The following MACROD2 variants were observed in gnomAD, a reference collection of about 807,000 sequenced individuals.
MACROD2 encodes the protein mono-ADP ribosylhydrolase 2.
In MACROD2, 36 loss-of-function variants were observed where a neutral mutation model predicts 70.4. That is an observed-to-expected ratio of 0.51 (90% confidence interval 0.39 to 0.68). The LOEUF is 0.68. MACROD2 is among the 30% of genes least tolerant of loss of function. The pLI, the probability that MACROD2 is intolerant of heterozygous loss-of-function variation, is 0.00. For missense variants in MACROD2, 496 were observed against 538.4 expected, an observed-to-expected ratio of 0.92 and a Z score of 0.78; for synonymous variants, 172 against 178.8, an observed-to-expected ratio of 0.96 and a Z score of 0.30.
chr20:15,985,243 ACAC>A (rs2066462344), intron 13 of MACROD2, among the ~76,000 whole-genome samples: 1 of 152,122 alleles, frequency 6.6e-6, no homozygotes, highest in African/African-American at 2.4e-5. Context: ...TACCATGCTC[ACAC>A]CACACACACT....
At chr20:14,619,309 G>C (rs1317428756) in intron 4 of MACROD2, among the ~76,000 whole-genome samples, 1 of 149,282 alleles carries the variant, frequency 6.7e-6, no homozygotes, top group Non-Finnish European at 1.5e-5. Flanking sequence ...GGAGACTTTG[G>C]TGTCTTTCTT....
intron 6 of MACROD2, among the ~76,000 whole-genome samples, chr20:15,298,531 C>A (rs1467777631): frequency 6.6e-6 from 1 of 152,168 alleles, no homozygotes; most frequent in Non-Finnish European, 1.5e-5. Context: ...CACCAAACAA[C>A]CTCCAAGGGT....
chr20:15,287,029 A>G (rs966922464), intron 6 of MACROD2, among the ~76,000 whole-genome samples: 1 of 152,214 alleles, frequency 6.6e-6, no homozygotes, highest in African/African-American at 2.4e-5. Context: ...CCATATTCCT[A>G]CAACATGTTT....
At chr20:14,696,250 AAAC>A (rs1170358679) in intron 5 of MACROD2, among the ~76,000 whole-genome samples, 1 of 152,224 alleles carries the variant, frequency 6.6e-6, no homozygotes, top group African/African-American at 2.4e-5. Flanking sequence ...ATTGAGAGAA[AAAC>A]AACACAAACC....
At chr20:14,957,674 G>A (rs1382311687) in intron 5 of MACROD2, among the ~76,000 whole-genome samples, 1 of 152,172 alleles carries the variant, frequency 6.6e-6, no homozygotes, top group Non-Finnish European at 1.5e-5. Context: ...CAGGAATAGC[G>A]AGAATGCCAG....
chr20:14,678,389 A>G (rs2070888457), intron 4 of MACROD2, among the ~76,000 whole-genome samples: 1 of 152,184 alleles, frequency 6.6e-6, no homozygotes, highest in Non-Finnish European at 1.5e-5. Flanking sequence ...AACAAACAGC[A>G]GACTAGCCAC....
intron 5 of MACROD2, among the ~76,000 whole-genome samples, chr20:14,958,711 G>T (rs1374887701): frequency 1.3e-5 from 2 of 152,120 alleles, no homozygotes; most frequent in East Asian, 3.9e-4. Flanking sequence ...TGCCCTGTAG[G>T]CCATTTCTCC....
intron 8 of MACROD2, among the ~76,000 whole-genome samples, chr20:15,665,987 A>AG (rs1425640765): frequency 1.0e-5 from 1 of 100,134 alleles, no homozygotes; most frequent in Non-Finnish European, 2.2e-5. Flanking sequence ...TAGAGAAAAT[A>AG]GTAAAAAAAA....
At chr20:15,244,128 G>T (rs2077084904) in intron 6 of MACROD2, among the ~76,000 whole-genome samples, 1 of 151,916 alleles carries the variant, frequency 6.6e-6, no homozygotes, top group African/African-American at 2.4e-5. Context: ...TATTTATATG[G>T]TGGAAATAGT....
chr20:14,515,454 T>TACACACACACACACAC (rs771413463), intron 4 of MACROD2, among the ~76,000 whole-genome samples: 1 of 115,360 alleles, frequency 8.7e-6, no homozygotes, highest in African/African-American at 3.7e-5. Flanking sequence ...ATATGTGAGA[T>TACACACACACACACAC]ACACACACAC....
At chr20:15,034,077 A>T (rs537542185) in intron 5 of MACROD2, among the ~76,000 whole-genome samples, 1 of 152,344 alleles carries the variant, frequency 6.6e-6, no homozygotes, top group East Asian at 1.9e-4. Flanking sequence ...AGAGGAACGT[A>T]GCCTGTCACA....
intron 17 of MACROD2, among the ~76,000 whole-genome samples, chr20:16,048,944 T>C (rs544468119): frequency 8.0e-4 from 122 of 152,238 alleles, no homozygotes; most frequent in African/African-American, 2.8e-3. Context: ...AAAAGTGACA[T>C]ATACATACAT....
chr20:14,800,229 G>A (rs899770687), intron 5 of MACROD2, among the ~76,000 whole-genome samples: 1 of 152,010 alleles, frequency 6.6e-6, no homozygotes, highest in African/African-American at 2.4e-5. Context: ...AACTTTAAAG[G>A]AGAGAACAAA....
At chr20:15,294,950 T>C (rs937550267) in intron 6 of MACROD2, among the ~76,000 whole-genome samples, 4 of 152,220 alleles carry the variant, frequency 2.6e-5, no homozygotes, top group Non-Finnish European at 4.4e-5. Flanking sequence ...ATTGTATTAC[T>C]CTTTGTAACT....
intron 6 of MACROD2, among the ~76,000 whole-genome samples, chr20:15,417,727 A>G (rs1053782385): frequency 6.6e-6 from 1 of 152,040 alleles, no homozygotes; most frequent in African/African-American, 2.4e-5. Flanking sequence ...TCCACCGCAG[A>G]CCTTCTGGAT....
intron 8 of MACROD2, among the ~76,000 whole-genome samples, chr20:15,590,995 GAGAC>G (rs972361095): frequency 1.4e-4 from 21 of 152,000 alleles, no homozygotes; most frequent in Non-Finnish European, 2.2e-4. Flanking sequence ...AAGAGAGAGA[GAGAC>G]AGAGAGAGAA....
chr20:15,172,835 A>G (rs1220016421), intron 5 of MACROD2, among the ~76,000 whole-genome samples: 1 of 152,244 alleles, frequency 6.6e-6, no homozygotes, highest in African/African-American at 2.4e-5. Flanking sequence ...AAATGAAAAT[A>G]CAATTAATTG....
intron 4 of MACROD2, among the ~76,000 whole-genome samples, chr20:14,637,222 T>G (rs1274749310): frequency 2.0e-5 from 3 of 152,178 alleles, no homozygotes; most frequent in Non-Finnish European, 2.9e-5. Context: ...TAGTTTGCCT[T>G]GATTTACATG....
intron 3 of MACROD2, among the ~76,000 whole-genome samples, chr20:14,428,741 A>T (rs1212305457): frequency 6.6e-6 from 1 of 152,178 alleles, no homozygotes; most frequent in Non-Finnish European, 1.5e-5. Flanking sequence ...TTGTACACTT[A>T]TTACCCGTGA....
Sources: allele counts gnomAD v4.1 joint callset (sites outside exome capture counted in the v4.1 genomes callset), GRCh38; gene constraint gnomAD v4.1.1; transcripts MANE v1.5; gene names NCBI Gene and HGNC (gene_info 2026-07-23, HGNC 2026-07-21).